The following MICU2 variants were observed in gnomAD, a reference collection of about 807,000 sequenced individuals.
MICU2 encodes mitochondrial calcium uptake 2, also known as calcium uptake protein 2, mitochondrial.
MICU2 carries 64 observed loss-of-function variants against 60.4 expected under a neutral mutation model. That is an observed-to-expected ratio of 1.06 (90% CI 0.87 to 1.31). MICU2 has a LOEUF of 1.31. Among genes scored for constraint, MICU2 ranks in the 50% most tolerant of loss-of-function variants. The pLI is 0.00. For synonymous variants in MICU2, 201 were observed against 175.0 expected, an observed-to-expected ratio of 1.15 and a Z score of -1.17; for missense variants, 569 against 531.0, an observed-to-expected ratio of 1.07 and a Z score of -0.70.
intron 1 of MICU2, among the ~76,000 whole-genome samples, chr13:21,590,142 C>T (rs1266683382): frequency 1.3e-5 from 2 of 152,100 alleles, no homozygotes; most frequent in African/African-American, 4.8e-5. Context: ...GACACATAAT[C>T]AGATTCTACA....
chr13:21,552,646 A>G (rs1887601423), intron 2 of MICU2, among the ~76,000 whole-genome samples: 1 of 152,184 alleles, frequency 6.6e-6, no homozygotes, highest in South Asian at 2.1e-4. Context: ...CTTTCTAAAT[A>G]TGGCTAGCCA....
intron 4 of MICU2, among the ~76,000 whole-genome samples, chr13:21,530,143 C>A (rs1245808188): frequency 6.6e-6 from 1 of 152,194 alleles, no homozygotes; most frequent in East Asian, 1.9e-4. Flanking sequence ...ATCTTACAGT[C>A]CTGATTTCCC....
At chr13:21,551,672 G>A (rs1415728372) in intron 2 of MICU2, among the ~76,000 whole-genome samples, 1 of 145,326 alleles carries the variant, frequency 6.9e-6, no homozygotes, top group Non-Finnish European at 1.5e-5. Context: ...CCACCTATGA[G>A]TGAGAACATG....
intron 2 of MICU2, among the ~76,000 whole-genome samples, chr13:21,549,890 T>C (rs1417341350): frequency 6.6e-6 from 1 of 152,186 alleles, no homozygotes; most frequent in Non-Finnish European, 1.5e-5. Flanking sequence ...TTGCTTACAG[T>C]TGGCTAATTA....
chr13:21,593,803 T>C (rs932823055), intron 1 of MICU2, among the ~76,000 whole-genome samples: 2 of 152,122 alleles, frequency 1.3e-5, no homozygotes, highest in South Asian at 2.1e-4. Flanking sequence ...ATTTAATAAG[T>C]GGTGCTGGGA....
intron 2 of MICU2, among the ~76,000 whole-genome samples, chr13:21,546,325 A>G (rs1308328959): frequency 1.4e-5 from 2 of 147,514 alleles, no homozygotes; most frequent in East Asian, 2.0e-4. Flanking sequence ...AACCTCAAGC[A>G]TTGTGAAATA....
intron 4 of MICU2, among the ~76,000 whole-genome samples, chr13:21,536,031 C>T (rs1484069607): frequency 6.6e-6 from 1 of 152,094 alleles, no homozygotes; most frequent in Admixed American, 6.5e-5. Context: ...TAAATTCCCA[C>T]TATAAAAAAT....
intron 1 of MICU2, among the ~76,000 whole-genome samples, chr13:21,594,200 C>T (rs1888644836): frequency 6.6e-6 from 1 of 152,032 alleles, no homozygotes; most frequent in Non-Finnish European, 1.5e-5. Context: ...AAAGAAACAA[C>T]CCCACCAAAA....
intron 4 of MICU2, among the ~76,000 whole-genome samples, chr13:21,535,803 A>G (rs772856042): frequency 6.6e-6 from 1 of 152,184 alleles, no homozygotes; most frequent in Non-Finnish European, 1.5e-5. Context: ...TTAAGGCTAC[A>G]TACCAGATAC....
chr13:21,564,337 T>G (rs957691834), intron 2 of MICU2, among the ~76,000 whole-genome samples: 1 of 152,212 alleles, frequency 6.6e-6, no homozygotes, highest in Non-Finnish European at 1.5e-5. Flanking sequence ...GCTGTAGTTG[T>G]AGGTGACAGA....
rs572902716 is a variant in MICU2 at position 21,532,706 on chromosome 13, A to C, written c.466+6596T>G. On this transcript the variant is annotated intron_variant, in intron 4 of 11. Transcript: ENST00000382374. ...GCTGTTCTGATGTAGATAATATATC[A>C]AATACTGCCGAGGTCACATAAGCTG... is the stretch of plus-strand genomic sequence containing the variant. Among the ~76,000 whole-genome samples, 7 of 152,346 alleles carry C rather than the reference A, an allele frequency of 4.6e-5. No individual in the cohort carries two copies. The South Asian group carries it at 1.4e-3, about 32-fold the overall frequency.
At chr13:21,581,592 A>G (rs1431308110) in intron 1 of MICU2, among the ~76,000 whole-genome samples, 1 of 152,246 alleles carries the variant, frequency 6.6e-6, no homozygotes, top group Non-Finnish European at 1.5e-5. Flanking sequence ...ATGAATGATA[A>G]AATGGTAAAA....
At chr13:21,513,214 C>T (rs1886476509) in intron 7 of MICU2, among the ~76,000 whole-genome samples, 1 of 152,062 alleles carries the variant, frequency 6.6e-6, no homozygotes, top group African/African-American at 2.4e-5. Flanking sequence ...TCTTACTTTC[C>T]AATCAATAGG....
At position 21,495,172 on chromosome 13, in the gene MICU2, G is replaced by A. The variant is rs150625890; in HGVS notation, c.1189C>T (p.Arg397Ter). 10 of 1,604,076 alleles carry A rather than the reference G, an allele frequency of 6.2e-6. No individual in the cohort carries two copies. The highest frequency in any genetic ancestry group is 2.2e-5 in the East Asian group (1 of 44,708). ...AAAAAATCTGTTACCCATAAACCTCGATGCATTCTGTTTTTTAACACCCCA... is the reference window on the plus strand; with the variant it reads ...AAAAAATCTGTTACCCATAAACCTCAATGCATTCTGTTTTTTAACACCCCA... ...FLGVLKNRMHRGLWVPQHQSI... is the reference protein window; with the variant it reads ...FLGVLKNRMH Residue 397 changes from arginine (R) to a stop codon, truncating the protein, a stop_gained, in exon 11 of 12, where the codon CGA (arginine) becomes TGA (stop). Transcript: ENST00000382374. LOFTEE classifies it high-confidence loss of function.
intron 2 of MICU2, among the ~76,000 whole-genome samples, chr13:21,543,846 C>G (rs1481603378): frequency 6.6e-6 from 1 of 152,048 alleles, no homozygotes; most frequent in Non-Finnish European, 1.5e-5. Context: ...ACAAAAGACC[C>G]TAAACAGCCA....
In MICU2 at chr13:21,495,223, C is replaced by G; in HGVS notation, c.1138G>C (p.Glu380Gln). Reference sequence around the variant, plus strand: ...AGAAACTCTTCATGACTAAGACATTCATCACCATCCAAATCAAAGATCTTA... The same window carrying G: ...AGAAACTCTTCATGACTAAGACATTGATCACCATCCAAATCAAAGATCTTA... ...VFKIFDLDGD[E>Q]CLSHEEFLGV... Residue 380 changes from glutamate (E) to glutamine (Q), a missense_variant, in exon 11 of 12, where the codon GAA (glutamate) becomes CAA (glutamine). Transcript: ENST00000382374. The G allele has an allele frequency of 6.2e-7, 1 of 1,613,540 alleles. No homozygotes were observed. Among genetic ancestry groups the G allele is most frequent in the Non-Finnish European group, 8.5e-7 (1 of 1,179,758 alleles).
Position 21,514,215 on chromosome 13 carries a change from A to C in MICU2, c.663+138T>G, listed in dbSNP as rs1886504556. 3 of 632,730 alleles carry C rather than the reference A, an allele frequency of 4.7e-6. No individual in the cohort carries two copies. The Admixed American group carries it at 9.3e-5, about 20-fold the overall frequency. 39.2% of individuals were successfully genotyped at this position (632,730 alleles called of 1,614,324 possible). A position where few individuals can be genotyped will look rare whatever the true frequency, so the allele number is the denominator to read the frequency against. On this transcript the variant is annotated intron_variant, in intron 7 of 11. Transcript: ENST00000382374. The stretch of plus-strand genomic sequence containing the variant: ...TATATGCAGTCTGTTGTTGACTGAA[A>C]AGTTATGTGGTGCATGACTGTATTA...
Position 21,580,628 on chromosome 13 carries a change from A to C in MICU2, c.211-13684T>G, listed in dbSNP as rs1211331298. Among the ~76,000 whole-genome samples, 3 of 100,786 alleles carry C rather than the reference A, an allele frequency of 3.0e-5. No individual in the cohort carries two copies. In the Admixed American group the frequency reaches 3.1e-4, roughly 11 times the overall value. 66.1% of individuals were successfully genotyped at this position (100,786 alleles called of 152,430 possible). A position where few individuals can be genotyped will look rare whatever the true frequency, so the allele number is the denominator to read the frequency against. On this transcript the variant is annotated intron_variant, in intron 1 of 11. Transcript: ENST00000382374. ...TAACTCTTAAATATTTGAAAACTCA[A>C]ATGAATTTTGTCACTTTTAGTCTAA...
At chr13:21,510,514 T>C (rs1203056167) in intron 7 of MICU2, among the ~76,000 whole-genome samples, 2 of 152,328 alleles carry the variant, frequency 1.3e-5, no homozygotes, top group East Asian at 3.9e-4. Flanking sequence ...AACACTTGCT[T>C]TTCCTAATTA....
Sources: gnomAD v4.1 joint callset for allele counts (sites outside exome capture counted in the v4.1 genomes callset) on GRCh38, gnomAD v4.1.1 for gene constraint, MANE v1.5 for transcripts, NCBI Gene and HGNC (gene_info 2026-07-23, HGNC 2026-07-21) for gene names.